TENM3: variants seen among roughly 807,000 people sequenced by gnomAD.
TENM3 encodes teneurin-3.
TENM3 carries 63 observed loss-of-function variants against 255.1 expected under a neutral mutation model. The observed-to-expected ratio is 0.25, with a 90% CI of 0.20 to 0.30. The LOEUF is 0.30. TENM3 is among the 10% of genes least tolerant of loss of function. The pLI, the probability that TENM3 is intolerant of heterozygous loss-of-function variation, is 1.00. For synonymous variants in TENM3, 1,306 were observed against 1,322.3 expected (o/e 0.99, Z 0.27); for missense variants, 2,929 against 3,461.1 (o/e 0.85, Z 3.86).
chr4:181,612,646 G>A, the TENM3 span, among the ~76,000 whole-genome samples: 56,881 of 151,926 alleles, frequency 0.37, 11,051 homozygotes, highest in Non-Finnish European at 0.42. Context: ...TTGTATGTGT[G>A]TGTTTTCCTT....
At chr4:182,069,556 T>C in the TENM3 span, among the ~76,000 whole-genome samples, 108,069 of 151,940 alleles carry the variant, frequency 0.71, 39,139 homozygotes, top group East Asian at 0.87. Flanking sequence ...CTTTGTCAGA[T>C]TTAGTCTTGT....
the TENM3 span, among the ~76,000 whole-genome samples, chr4:181,996,351 G>T: frequency 6.6e-6 from 1 of 152,074 alleles, no homozygotes; most frequent in Non-Finnish European, 1.5e-5. Context: ...GGAGCAGATG[G>T]CTGTGAGCAG....
At chr4:182,136,282 G>A in the TENM3 span, among the ~76,000 whole-genome samples, 1 of 152,104 alleles carries the variant, frequency 6.6e-6, no homozygotes, top group Non-Finnish European at 1.5e-5. Flanking sequence ...TTTCTTTCAA[G>A]GGAAAAATTC....
At chr4:181,888,575 TATAC>T in the TENM3 span, among the ~76,000 whole-genome samples, 299 of 68,002 alleles carry the variant, frequency 4.4e-3, 8 homozygotes, top group Non-Finnish European at 7.1e-3. Context: ...TATGTATATA[TATAC>T]ATATATATAT....
At chr4:181,605,588 A>AGAAAGAAAGAAAGAGAAAGAAAG in the TENM3 span, among the ~76,000 whole-genome samples, 4 of 37,570 alleles carry the variant, frequency 1.1e-4, no homozygotes, top group Non-Finnish European at 1.7e-4. Flanking sequence ...AAGAAAGGAA[A>AGAAAGAAAGAAAGAGAAAGAAAG]GAAAGAAAGA....
chr4:182,541,046 C>A (rs183605343), intron 3 of TENM3, among the ~76,000 whole-genome samples: 2 of 152,240 alleles, frequency 1.3e-5, no homozygotes, highest in East Asian at 3.9e-4. Flanking sequence ...ATCACTAATC[C>A]CATTTTACAG....
chr4:182,573,974 C>T (rs886255262), intron 3 of TENM3, among the ~76,000 whole-genome samples: 1 of 152,026 alleles, frequency 6.6e-6, no homozygotes, highest in African/African-American at 2.4e-5. Context: ...ATATGAAAAA[C>T]TAAAATTAAT....
the TENM3 span, among the ~76,000 whole-genome samples, chr4:181,728,189 G>A: frequency 1.3e-4 from 20 of 152,234 alleles, no homozygotes; most frequent in East Asian, 3.9e-3. Flanking sequence ...TATCATCTAG[G>A]TGTGTCTCAG....
chr4:181,498,872 G>C, the TENM3 span, among the ~76,000 whole-genome samples: 1 of 152,090 alleles, frequency 6.6e-6, no homozygotes, highest in Non-Finnish European at 1.5e-5. Flanking sequence ...CTAGGAGAAG[G>C]GTTAGATAAT....
the TENM3 span, among the ~76,000 whole-genome samples, chr4:181,611,131 T>C: frequency 6.6e-6 from 1 of 152,232 alleles, no homozygotes; most frequent in Non-Finnish European, 1.5e-5. Flanking sequence ...CATTGACTGA[T>C]GGATTTAAAT....
intron 3 of TENM3, among the ~76,000 whole-genome samples, chr4:182,467,678 G>A (rs1334350038): frequency 6.6e-6 from 1 of 152,138 alleles, no homozygotes; most frequent in African/African-American, 2.4e-5. Context: ...AAGAGCCTCA[G>A]GCACACACTG....
rs1754056013 is a variant in TENM3 at position 182,199,669 on chromosome 4, C to G, written c.-76+54915C>G. Among the ~76,000 whole-genome samples the G allele has an allele frequency of 2.0e-5, 3 of 149,180 alleles. No homozygotes were observed. The Admixed American group carries it at 2.0e-4, about 10-fold the overall frequency. On this transcript the variant is annotated intron_variant, in intron 1 of 2. Transcript: ENST00000512480. ...CAGGTGCAAGTTTTAAATCACTTGA[C>G]GTGGTACTATAGATACATGTAACCA...
rs1489905333 is a variant in TENM3 at position 182,800,780 on chromosome 4, T to G, written c.*429T>G. 1 of 154,976 alleles carries G rather than the reference T, an allele frequency of 6.5e-6. No homozygotes were observed. The highest frequency in any genetic ancestry group is 1.4e-5 in the Non-Finnish European group (1 of 69,434). 9.6% of individuals were successfully genotyped at this position (154,976 alleles called of 1,614,324 possible). A position where few individuals can be genotyped will look rare whatever the true frequency, so the allele number is the denominator to read the frequency against. ...GTCTGCATAGGATGTGATAGCTATC[T>G]CTGTTCATTTTACAATGTGGGGCAA... On this transcript the variant is annotated 3_prime_UTR_variant, in exon 28 of 28. Coordinates refer to ENST00000511685, the MANE Select transcript of TENM3 (RefSeq NM_001080477.4).
chr4:182,515,066 T>G (rs917774036), intron 3 of TENM3, among the ~76,000 whole-genome samples: 13 of 152,132 alleles, frequency 8.5e-5, no homozygotes, highest in Non-Finnish European at 1.6e-4. Context: ...TTATCCAGAC[T>G]AAGAAGACAA....
the TENM3 span, among the ~76,000 whole-genome samples, chr4:181,454,772 A>T: frequency 6.9e-6 from 1 of 143,984 alleles, no homozygotes; most frequent in Non-Finnish European, 1.5e-5. Context: ...AGTAACCAGT[A>T]ACCTACTGTA....
At chr4:181,506,802 CTCTT>C in the TENM3 span, among the ~76,000 whole-genome samples, 1 of 151,920 alleles carries the variant, frequency 6.6e-6, no homozygotes, top group African/African-American at 2.4e-5. Context: ...AAAGAAGTTA[CTCTT>C]TCTGAGAACT....
At chr4:181,543,943 A>G in the TENM3 span, among the ~76,000 whole-genome samples, 1 of 152,212 alleles carries the variant, frequency 6.6e-6, no homozygotes, top group Admixed American at 6.5e-5. Flanking sequence ...CCTGAAATTC[A>G]AATTTCAGGA....
the TENM3 span, among the ~76,000 whole-genome samples, chr4:182,022,660 C>A: frequency 6.6e-6 from 1 of 151,860 alleles, no homozygotes; most frequent in African/African-American, 2.4e-5. Context: ...CATAAATATT[C>A]CTGCCGTAAT....
At chr4:182,116,736 A>G in the TENM3 span, among the ~76,000 whole-genome samples, 1 of 152,326 alleles carries the variant, frequency 6.6e-6, no homozygotes, top group East Asian at 1.9e-4. Flanking sequence ...TTGGCCAGAT[A>G]GGTCATTTGT....
Sources: gnomAD v4.1 joint callset for allele counts (sites outside exome capture counted in the v4.1 genomes callset) on GRCh38, gnomAD v4.1.1 for gene constraint, MANE v1.5 for transcripts, NCBI Gene and HGNC (gene_info 2026-07-23, HGNC 2026-07-21) for gene names.